CTNNA3: variants seen among roughly 807,000 people sequenced by gnomAD.
CTNNA3 encodes the protein catenin alpha-3.
A neutral mutation model predicts 95.7 loss-of-function variants in CTNNA3; 76 were observed. That is an observed-to-expected ratio of 0.79 (90% CI 0.66 to 0.96). CTNNA3 has a LOEUF of 0.96. CTNNA3 is among the 40% of genes least tolerant of loss of function. CTNNA3 has a pLI of 0.00. For missense variants in CTNNA3, 1,191 were observed against 1,089.8 expected (o/e 1.09, Z -1.31); for synonymous variants, 431 against 374.4 (o/e 1.15, Z -1.74).
intron 12 of CTNNA3, among the ~76,000 whole-genome samples, chr10:66,304,436 A>G (rs2091904830): frequency 6.6e-6 from 1 of 152,168 alleles, no homozygotes; most frequent in African/African-American, 2.4e-5. Context: ...CCAGAATTAA[A>G]TTGTTCATAG....
chr10:67,567,710 A>C (rs1040259858), intron 3 of CTNNA3, among the ~76,000 whole-genome samples: 3 of 152,034 alleles, frequency 2.0e-5, no homozygotes, highest in Non-Finnish European at 4.4e-5. Context: ...CACGGGCTTC[A>C]TGTTCATGTA....
intron 7 of CTNNA3, among the ~76,000 whole-genome samples, chr10:67,090,809 A>C (rs2131908415): frequency 6.6e-6 from 1 of 152,208 alleles, no homozygotes; most frequent in South Asian, 2.1e-4. Context: ...CAGCTGCAGA[A>C]ATCCTAAAGA....
At chr10:66,618,147 A>G (rs566423259) in intron 10 of CTNNA3, among the ~76,000 whole-genome samples, 2 of 152,280 alleles carry the variant, frequency 1.3e-5, no homozygotes, top group South Asian at 4.1e-4. Context: ...AAGGTAATTT[A>G]TAGATTCAAT....
chr10:66,807,824 A>G (rs946688973), intron 7 of CTNNA3, among the ~76,000 whole-genome samples: 1 of 152,130 alleles, frequency 6.6e-6, no homozygotes, highest in African/African-American at 2.4e-5. Flanking sequence ...ATATCATCTG[A>G]TAAGCTTTCT....
chr10:66,976,910 G>A (rs1169838119), intron 7 of CTNNA3, among the ~76,000 whole-genome samples: 1 of 152,082 alleles, frequency 6.6e-6, no homozygotes, highest in African/African-American at 2.4e-5. Flanking sequence ...CTACTTTGAT[G>A]TGCTTATCAT....
chr10:66,755,075 A>T (rs141856011), intron 9 of CTNNA3, among the ~76,000 whole-genome samples: 57 of 152,338 alleles, frequency 3.7e-4, no homozygotes, highest in Non-Finnish European at 6.9e-4. Context: ...GTTCACCAAC[A>T]TATGAACAGA....
At chr10:67,424,924 A>C (rs542612924) in intron 5 of CTNNA3, among the ~76,000 whole-genome samples, 2 of 152,220 alleles carry the variant, frequency 1.3e-5, no homozygotes, top group South Asian at 2.1e-4. Context: ...CTCAAAAAAC[A>C]TTTAATTTAA....
intron 5 of CTNNA3, among the ~76,000 whole-genome samples, chr10:67,372,601 A>G (rs1440747922): frequency 2.6e-5 from 4 of 152,208 alleles, no homozygotes; most frequent in Non-Finnish European, 4.4e-5. Flanking sequence ...GCAGGCCAAC[A>G]TTCAAATTCA....
chr10:67,378,155 G>A (rs1005817850), intron 5 of CTNNA3, among the ~76,000 whole-genome samples: 1 of 151,950 alleles, frequency 6.6e-6, no homozygotes, highest in Non-Finnish European at 1.5e-5. Context: ...ATGTTTTAAT[G>A]TTTTGTATAA....
At chr10:66,664,743 C>A (rs758874371) in intron 9 of CTNNA3, among the ~76,000 whole-genome samples, 2 of 152,060 alleles carry the variant, frequency 1.3e-5, no homozygotes, top group Non-Finnish European at 2.9e-5. Context: ...AAAAAAATCT[C>A]TCTCACTGAT....
chr10:66,202,831 G>A (rs1175783071), intron 13 of CTNNA3, among the ~76,000 whole-genome samples: 2 of 152,140 alleles, frequency 1.3e-5, no homozygotes, highest in African/African-American at 2.4e-5. Flanking sequence ...TCTTACGGGT[G>A]AGATTTTAAA....
At chr10:67,501,603 T>A (rs1030623135) in intron 5 of CTNNA3, among the ~76,000 whole-genome samples, 3 of 152,200 alleles carry the variant, frequency 2.0e-5, no homozygotes, top group African/African-American at 7.2e-5. Context: ...GATATATCAG[T>A]CAAACGTAGG....
chr10:66,814,101 T>C (rs1470512636), intron 7 of CTNNA3, among the ~76,000 whole-genome samples: 2 of 151,340 alleles, frequency 1.3e-5, no homozygotes, highest in Non-Finnish European at 2.9e-5. Flanking sequence ...AGAGACTGAG[T>C]GGATGATGGT....
rs1554845819 is a variant in CTNNA3 at position 67,504,451 on chromosome 10, A to AAAAAAAAAAC, written c.579+17381_579+17390dup. On this transcript the variant is annotated intron_variant, in intron 5 of 17. Coordinates refer to ENST00000433211, the MANE Select transcript of CTNNA3 (RefSeq NM_013266.4). Reference sequence around the variant, plus strand: ...ACTCCATCTCAAAAAAAAAAAAAAAAAAAAAAAAACAGAGTAACATTCATT... The same window carrying AAAAAAAAAAC: ...ACTCCATCTCAAAAAAAAAAAAAAAAAAAAAAAAACAAAAAAAAACAGAGTAACATTCATT... 3.4e-3 allele frequency among the ~76,000 whole-genome samples: 485 copies of AAAAAAAAAAC among 142,806 alleles called. 3 individuals carry two copies. Among genetic ancestry groups the AAAAAAAAAAC allele is most frequent in the South Asian group, 5.0e-3 (20 of 4,032 alleles). The allele number at this position is 142,806 out of a possible 152,430, so 93.7% of individuals were successfully genotyped here.
At chr10:67,637,398 T>C (rs1839355924) in intron 2 of CTNNA3, among the ~76,000 whole-genome samples, 1 of 152,188 alleles carries the variant, frequency 6.6e-6, no homozygotes, top group Admixed American at 6.5e-5. Context: ...TTCGTGTACC[T>C]GAAAGTGACG....
chr10:65,927,631 G>T (rs1462167171), intron 17 of CTNNA3, among the ~76,000 whole-genome samples: 1 of 152,150 alleles, frequency 6.6e-6, no homozygotes, highest in African/African-American at 2.4e-5. Context: ...TGTACCAGTA[G>T]TTTATTTTAT....
intron 5 of CTNNA3, among the ~76,000 whole-genome samples, chr10:67,514,917 C>T (rs1020843774): frequency 1.3e-5 from 2 of 152,108 alleles, no homozygotes; most frequent in East Asian, 1.9e-4. Context: ...AATCAGCTAA[C>T]GCTTGACTCA....
In CTNNA3 at chr10:66,019,712, A is replaced by G. The variant is rs944867648; in HGVS notation, c.2160-30915T>C. Among the ~76,000 whole-genome samples the G allele has an allele frequency of 4.0e-5, 6 of 150,764 alleles. No individual in the cohort carries two copies. In the East Asian group the frequency reaches 1.2e-3, roughly 29 times the overall value. ...AAGTCAAGGAGAAATCAAAATTTAAATAAAAGAAATGGGCAAAAAAAATAG... is the reference window on the plus strand; with the variant it reads ...AAGTCAAGGAGAAATCAAAATTTAAGTAAAAGAAATGGGCAAAAAAAATAG... On this transcript the variant is annotated intron_variant, in intron 15 of 17. Transcript: ENST00000433211.
At chr10:66,963,685 G>T (rs1849246183) in intron 7 of CTNNA3, among the ~76,000 whole-genome samples, 1 of 151,926 alleles carries the variant, frequency 6.6e-6, no homozygotes, top group African/African-American at 2.4e-5. Flanking sequence ...TCGAAAACAG[G>T]TTCCAAAATA....
Sources: allele counts gnomAD v4.1 joint callset (sites outside exome capture counted in the v4.1 genomes callset), GRCh38; gene constraint gnomAD v4.1.1; transcripts MANE v1.5; gene names NCBI Gene and HGNC (gene_info 2026-07-23, HGNC 2026-07-21).